LYST: variants seen among roughly 807,000 people sequenced by gnomAD.
LYST encodes lysosomal-trafficking regulator.
Under a neutral mutation model 413.6 loss-of-function variants are expected in LYST, and 192 were observed. That is an observed-to-expected ratio of 0.46 (90% CI 0.41 to 0.52). The LOEUF (loss-of-function observed/expected upper bound fraction) is 0.52, where lower values mean the gene tolerates loss of function less well. Ranked by LOEUF, LYST falls within the 20% of genes least tolerant of loss-of-function variation. The pLI is 0.00. For synonymous variants in LYST, 1,525 were observed against 1,567.3 expected, an observed-to-expected ratio of 0.97 and a Z score of 0.64; for missense variants, 3,815 against 4,499.9, an observed-to-expected ratio of 0.85 and a Z score of 4.35.
At chr1:235,670,372 A>C (rs933815307) in intron 50 of LYST, among the ~76,000 whole-genome samples, 1 of 152,238 alleles carries the variant, frequency 6.6e-6, no homozygotes, top group Non-Finnish European at 1.5e-5. Flanking sequence ...CTGCAGAAGT[A>C]AATGTGCCTT....
chr1:235,792,046 A>G lies in LYST; in HGVS notation c.4196T>C (p.Leu1399Ser). Reference protein sequence around the residue: ...MSPSQYLTFPLLHAPNLSNGV... With the variant: ...MSPSQYLTFPSLHAPNLSNGV... Reference sequence around the variant, plus strand: ...GTTGCTTAAATTTGGAGCGTGCAGTAAAGGGAAGGTTAGATACTGTGAAGG... The same window carrying G: ...GTTGCTTAAATTTGGAGCGTGCAGTGAAGGGAAGGTTAGATACTGTGAAGG... Residue 1399 changes from leucine (L) to serine (S), a missense_variant, in exon 12 of 53, where the codon TTA (leucine) becomes TCA (serine). Physicochemically the swap from Leu to Ser is moderately radical, Grantham distance 145 (BLOSUM62 -2). Around this residue, in one of 4 missense-constraint regions of LYST, gnomAD observed 1,648 missense variants for 1,810.3 expected, o/e 0.91. Transcript: ENST00000389793. 6.2e-7 allele frequency: 1 copy of G among 1,613,938 alleles called. No homozygotes were observed. Among genetic ancestry groups the G allele is most frequent in the Non-Finnish European group, 8.5e-7 (1 of 1,179,802 alleles).
At chr1:235,847,386 C>T (rs2103079047) in intron 1 of LYST, among the ~76,000 whole-genome samples, 1 of 152,244 alleles carries the variant, frequency 6.6e-6, no homozygotes, top group African/African-American at 2.4e-5. Context: ...AGCTCCAAGT[C>T]TTGAAACAAA....
At position 235,812,987 on chromosome 1, in the gene LYST, T is replaced by C; in HGVS notation, c.267A>G (p.Gln89=). Residue 89 remains glutamine (Q), a synonymous_variant, in exon 4 of 53, where the codon CAA becomes CAG. Transcript: ENST00000389793. ...AAAGCATACCTGTTGCCTTTTCTTC[T>C]TGGACAGGTATCTTCCATACCAGTG... The part of the protein sequence containing the change: ...LLPLVWKIPV[Q]EEKATDFNLP... 6 of 1,610,662 alleles carry C rather than the reference T, an allele frequency of 3.7e-6. No homozygotes were observed. Among genetic ancestry groups the C allele is most frequent in the Non-Finnish European group, 5.1e-6 (6 of 1,177,062 alleles).
chr1:235,866,595 G>T (rs1204794698), intron 1 of LYST, among the ~76,000 whole-genome samples: 1 of 151,776 alleles, frequency 6.6e-6, no homozygotes, highest in African/African-American at 2.4e-5. Flanking sequence ...TCCCGCCCGC[G>T]GCCCGGCGGC....
chr1:235,880,962 C>T (rs1446075420), intron 1 of LYST, among the ~76,000 whole-genome samples: 17 of 152,022 alleles, frequency 1.1e-4, no homozygotes, highest in Non-Finnish European at 1.5e-5. Context: ...CCCATCTCTA[C>T]AAAAAATAAA....
chr1:235,793,829 A>C (rs141971330), intron 10 of LYST, among the ~76,000 whole-genome samples: 114 of 152,106 alleles, frequency 7.5e-4, no homozygotes, highest in African/African-American at 2.6e-3. Flanking sequence ...TCTTTTTATT[A>C]TTTTTATTAT....
At chr1:235,712,740 T>C (rs1042818072) in intron 42 of LYST, 1 of 985,368 alleles carries the variant, frequency 1.0e-6, no homozygotes, top group Non-Finnish European at 1.2e-6. Context: ...GTGTTCTAAC[T>C]CTGAGCTAAA....
chr1:235,664,069 A>G lies in LYST; in HGVS notation c.11196-14T>C. 6.3e-7 allele frequency: 1 copy of G among 1,590,812 alleles called. No individual in the cohort carries two copies. On this transcript the variant is annotated splice_polypyrimidine_tract_variant and intron_variant, in intron 51 of 52. Coordinates refer to ENST00000389793, the MANE Select transcript of LYST (RefSeq NM_000081.4). The surrounding 1 kb of genome is among the most constrained non-coding windows in gnomAD (Gnocchi z 4.5). Reference sequence around the variant, plus strand: ...GTGCTCCATAACCTAGAGGGGAAAAAAATCATCTAATTATGCAAACTAAAA... The same window carrying G: ...GTGCTCCATAACCTAGAGGGGAAAAGAATCATCTAATTATGCAAACTAAAA...
At position 235,674,780 on chromosome 1, in the gene LYST, T is replaced by TA. The variant is rs1460398610; in HGVS notation, c.11038+2310dup. On this transcript the variant is annotated intron_variant, in intron 50 of 52. Coordinates refer to ENST00000389793, the MANE Select transcript of LYST (RefSeq NM_000081.4). This position sits in a 1 kb window ranked among gnomAD's most constrained non-coding sequence, Gnocchi z 4.1. ...TTATCCCTAACAACACAGCCCCCAG[T>TA]AAAACAATCACAAAAGCCCTACAGG... Among the ~76,000 whole-genome samples, 1 of 152,094 alleles carries TA rather than the reference T, an allele frequency of 6.6e-6. No homozygotes were observed. Among genetic ancestry groups the TA allele is most frequent in the Non-Finnish European group, 1.5e-5 (1 of 67,994 alleles).
Position 235,709,143 on chromosome 1 carries a change from T to C in LYST, c.10091A>G (p.Tyr3364Cys), listed in dbSNP as rs886046169. ...AACAGAAGCCTTCCCCTTTTGCTTA[T>C]ACCCAAACACCAAGTCAATCCACTG... ...ICQWIDLVFG[Y>C]KQKGKASVQA... Residue 3364 changes from tyrosine to cysteine, a missense_variant, in exon 44 of 53, where the codon TAT becomes TGT. Coordinates refer to ENST00000389793, the MANE Select transcript of LYST (RefSeq NM_000081.4). 21 of 1,614,170 alleles carry C rather than the reference T, an allele frequency of 1.3e-5. No individual in the cohort carries two copies. The East Asian group carries it at 4.7e-4, about 36-fold the overall frequency.
At position 235,759,107 on chromosome 1, in the gene LYST, G is replaced by C. The variant is rs1284413765; in HGVS notation, c.6746C>G (p.Ala2249Gly). Residue 2249 changes from alanine to glycine, a missense_variant, in exon 23 of 53, where the codon GCT (alanine) becomes GGT (glycine). By Grantham distance (60) the Ala-to-Gly change is moderately conservative (BLOSUM62 0). This residue lies in a region of LYST where 771 missense variants were observed against 837.1 expected (regional missense o/e 0.92). Coordinates refer to ENST00000389793, the MANE Select transcript of LYST (RefSeq NM_000081.4). ...TGCAGATCCGTTCTGTGAAGGAAAA[G>C]CTAGCCCAAGGCTTGCAATAGTGCT... The part of the protein sequence containing the change: ...SHSTIASLGL[A>G]FPSQNGSAAV... The C allele has an allele frequency of 1.2e-6, 2 of 1,614,212 alleles. No individual in the cohort carries two copies. The highest frequency in any genetic ancestry group is 1.7e-6 in the Non-Finnish European group (2 of 1,180,020).
At chr1:235,866,029 CTA>C (rs1473719974) in intron 1 of LYST, among the ~76,000 whole-genome samples, 2 of 152,056 alleles carry the variant, frequency 1.3e-5, no homozygotes, top group Admixed American at 6.6e-5. Context: ...GGATGTTTTG[CTA>C]TGTTTTGTTT....
Position 235,810,522 on chromosome 1 carries a change from G to A in LYST, c.296C>T (p.Pro99Leu), listed in dbSNP as rs781295135. The part of the protein sequence containing the change: ...QEEKATDFNL[P>L]LSADIILTKE... ...GGTCAGGATTATATCTGCTGAGAGC[G>A]GTAGGTTAAAATCTAATGGAATGAA... is the stretch of plus-strand genomic sequence containing the variant. The change falls in exon 5 of 53, where the codon CCG becomes CTG. Residue 99 changes from proline to leucine, a missense_variant. Physicochemically the swap from Pro to Leu is moderately conservative, Grantham distance 98. Transcript: ENST00000389793. 78 of 1,611,120 alleles carry A rather than the reference G, an allele frequency of 4.8e-5. No individual in the cohort carries two copies. The highest frequency in any genetic ancestry group is 3.2e-4 in the Admixed American group (19 of 59,960).
chr1:235,783,859 G>C (rs1019206362), intron 14 of LYST, among the ~76,000 whole-genome samples: 1 of 148,606 alleles, frequency 6.7e-6, no homozygotes, highest in Non-Finnish European at 1.5e-5. Context: ...CTCTTCAAAT[G>C]TATTCTTTTA....
chr1:235,832,988 T>A (rs1676160376), intron 2 of LYST, among the ~76,000 whole-genome samples: 2 of 152,074 alleles, frequency 1.3e-5, no homozygotes, highest in South Asian at 4.1e-4. Flanking sequence ...TGAGCTTTTT[T>A]ATTATTTTGT....
chr1:235,722,818 T>C (rs1663503375), intron 39 of LYST, among the ~76,000 whole-genome samples: 1 of 152,226 alleles, frequency 6.6e-6, no homozygotes, highest in Non-Finnish European at 1.5e-5. Context: ...TTCAGTCATT[T>C]TGGGGAATCA....
At chr1:235,689,620 G>C (rs879689386) in intron 47 of LYST, among the ~76,000 whole-genome samples, 1 of 152,154 alleles carries the variant, frequency 6.6e-6, no homozygotes, top group Admixed American at 6.5e-5. Context: ...TTGTATTCTT[G>C]AAATTTGCTA....
At chr1:235,872,274 C>T (rs1272445318) in intron 1 of LYST, among the ~76,000 whole-genome samples, 1 of 139,434 alleles carries the variant, frequency 7.2e-6, no homozygotes, top group African/African-American at 2.8e-5. Context: ...CCAGCCCAGG[C>T]AACGGAGTGA....
At chr1:235,694,949 G>C (rs985292621) in intron 46 of LYST, among the ~76,000 whole-genome samples, 11 of 152,070 alleles carry the variant, frequency 7.2e-5, no homozygotes, top group African/African-American at 2.7e-4. Flanking sequence ...GTATAAGCTT[G>C]GACTCAAGCC....
Sources: allele counts gnomAD v4.1 joint callset (sites outside exome capture counted in the v4.1 genomes callset), GRCh38; gene constraint gnomAD v4.1.1; regional missense constraint gnomAD v4.1.1; non-coding constraint Gnocchi (gnomAD v3.1); transcripts MANE v1.5; gene names NCBI Gene and HGNC (gene_info 2026-07-23, HGNC 2026-07-21).